IL1RAPL1: variants seen among roughly 807,000 people sequenced by gnomAD.
IL1RAPL1 encodes interleukin 1 receptor accessory protein like 1, also known as interleukin-1 receptor accessory protein-like 1.
In IL1RAPL1, 3 loss-of-function variants were observed where a neutral mutation model predicts 48.4. The observed-to-expected ratio is 0.06, with a 90% CI of 0.03 to 0.16. The LOEUF is 0.16. Ranked by LOEUF, IL1RAPL1 falls within the 10% of genes least tolerant of loss-of-function variation. The pLI, the probability that IL1RAPL1 is intolerant of heterozygous loss-of-function variation, is 1.00. For missense variants in IL1RAPL1, 349 were observed against 530.6 expected (o/e 0.66, Z 3.36); for synonymous variants, 185 against 187.7 (o/e 0.99, Z 0.12).
chrX:29,925,412 G>GTTTTT (rs763481708), intron 8 of IL1RAPL1, among the ~76,000 whole-genome samples: 1,294 of 11,463 alleles, frequency 0.11, 548 homozygotes, highest in Middle Eastern at 0.33. Flanking sequence ...TCCCGTAACT[G>GTTTTT]TTTTTTTTTT....
chrX:29,443,857 T>C (rs1017692288), intron 5 of IL1RAPL1, among the ~76,000 whole-genome samples: 1 of 111,453 alleles, frequency 9.0e-6, no homozygotes, highest in African/African-American at 3.3e-5. Context: ...CTCATTCTTA[T>C]GTTGATGAAA....
chrX:29,265,601 C>T (rs1445946678), intron 2 of IL1RAPL1, among the ~76,000 whole-genome samples: 2 of 96,460 alleles, frequency 2.1e-5, no homozygotes, highest in Non-Finnish European at 4.2e-5. Flanking sequence ...AGGTATATCT[C>T]CTAATGCTAT....
At chrX:28,895,534 G>A (rs188437509) in intron 2 of IL1RAPL1, among the ~76,000 whole-genome samples, 2 of 110,242 alleles carry the variant, frequency 1.8e-5, no homozygotes, top group Non-Finnish European at 3.8e-5. Context: ...AATGAGGCGT[G>A]GCTGTAGTCC....
chrX:29,096,689 G>C lies in IL1RAPL1; in HGVS notation c.83-186249G>C, dbSNP rs971756932. On this transcript the variant is annotated intron_variant, in intron 2 of 10. Transcript: ENST00000378993. ...TGATTTGAACTGGAAAAACATGTAA[G>C]AAATTTAAAAAAATTAAATATATAT... Among the ~76,000 whole-genome samples, 3 of 110,252 alleles carry C rather than the reference G, an allele frequency of 2.7e-5. No individual in the cohort carries two copies. In the East Asian group the frequency reaches 8.4e-4, roughly 31 times the overall value.
intron 6 of IL1RAPL1, among the ~76,000 whole-genome samples, chrX:29,696,414 A>G (rs771861005): frequency 8.0e-5 from 9 of 112,207 alleles, no homozygotes; most frequent in African/African-American, 2.6e-4. Flanking sequence ...ATCATATTTC[A>G]CATATAACAA....
intron 2 of IL1RAPL1, among the ~76,000 whole-genome samples, chrX:28,890,925 C>T (rs1222020279): frequency 8.9e-6 from 1 of 112,103 alleles, no homozygotes; most frequent in East Asian, 2.8e-4. Context: ...AATACTCCTT[C>T]GTGAAATACA....
Position 29,956,428 on chromosome X carries a change from C to T in IL1RAPL1, c.*608C>T, listed in dbSNP as rs1287434782. The stretch of plus-strand genomic sequence containing the variant: ...CTCTTCCTTGTCCCACCTCATTCCC[C>T]ACCTCTACCTTTCTAATGGCGGCAT... On this transcript the variant is annotated 3_prime_UTR_variant, in exon 11 of 11. Transcript: ENST00000378993. 1 of 109,735 alleles carries T rather than the reference C, an allele frequency of 9.1e-6. No individual in the cohort carries two copies. The highest frequency in any genetic ancestry group is 3.4e-5 in the African/African-American group (1 of 29,298). The allele number at this position is 109,735 out of a possible 1,213,427, so 9.0% of individuals were successfully genotyped here.
At chrX:29,523,444 C>T (rs1935522492) in intron 5 of IL1RAPL1, among the ~76,000 whole-genome samples, 1 of 111,228 alleles carries the variant, frequency 9.0e-6, no homozygotes, top group Non-Finnish European at 1.9e-5. Context: ...TGATTATTTT[C>T]AAAATTTGTT....
chrX:29,515,169 C>G (rs1019679208), intron 5 of IL1RAPL1, among the ~76,000 whole-genome samples: 2 of 112,475 alleles, frequency 1.8e-5, no homozygotes, highest in South Asian at 3.6e-4. Flanking sequence ...TTTAGTTAAA[C>G]TTTCTACTTT....
At chrX:28,864,819 G>C (rs1178558473) in intron 2 of IL1RAPL1, among the ~76,000 whole-genome samples, 1 of 111,594 alleles carries the variant, frequency 9.0e-6, no homozygotes, top group Non-Finnish European at 1.9e-5. Flanking sequence ...TGAGATGGCT[G>C]TGGGTAGGGC....
intron 8 of IL1RAPL1, among the ~76,000 whole-genome samples, chrX:29,925,446 G>A (rs866524843): frequency 3.9e-4 from 1 of 2,558 alleles, no homozygotes; most frequent in African/African-American, 8.4e-4. Context: ...TTTTTTTTTT[G>A]CTGGGGGGGG....
rs138882990 is a variant in IL1RAPL1, at chrX:28,964,466, A to G, written c.82+175041A>G. On this transcript the variant is annotated intron_variant, in intron 2 of 10. Coordinates refer to ENST00000378993, the MANE Select transcript of IL1RAPL1 (RefSeq NM_014271.4). ...TTTGTTATGGGTGGTTGGCTCATATACAAATTTTGTTATTAAGATGCATGA... is the reference window on the plus strand; with the variant it reads ...TTTGTTATGGGTGGTTGGCTCATATGCAAATTTTGTTATTAAGATGCATGA... 1.7e-3 allele frequency among the ~76,000 whole-genome samples: 190 copies of G among 111,786 alleles called. 2 individuals carry two copies. Among genetic ancestry groups the G allele is most frequent in the African/African-American group, 5.6e-3 (174 of 30,910 alleles).
At chrX:29,556,219 A>C (rs1250816767) in intron 5 of IL1RAPL1, among the ~76,000 whole-genome samples, 3 of 112,097 alleles carry the variant, frequency 2.7e-5, no homozygotes, top group Non-Finnish European at 3.8e-5. Flanking sequence ...TTAACAGTCG[A>C]AATTTGATTA....
intron 3 of IL1RAPL1, among the ~76,000 whole-genome samples, chrX:29,333,968 C>G (rs868735630): frequency 4.2e-5 from 3 of 71,738 alleles, no homozygotes; most frequent in Non-Finnish European, 8.6e-5. Context: ...GCTGGCCGGG[C>G]GGGGGGCTGA....
intron 5 of IL1RAPL1, among the ~76,000 whole-genome samples, chrX:29,608,362 G>C (rs921665435): frequency 9.5e-6 from 1 of 105,434 alleles, no homozygotes; most frequent in Non-Finnish European, 1.9e-5. Flanking sequence ...AGATAAAGTA[G>C]GTATTACCAT....
rs188355273 is a variant in IL1RAPL1, at chrX:29,868,740, T to C, written c.779-48724T>C. ...AGCAGCAAATGCTTAATGACTTAAATATCCTGGAAATATTTTTATATCTTA... is the reference window on the plus strand; with the variant it reads ...AGCAGCAAATGCTTAATGACTTAAACATCCTGGAAATATTTTTATATCTTA... On this transcript the variant is annotated intron_variant, in intron 6 of 10. Transcript: ENST00000378993. Among the ~76,000 whole-genome samples, 18 of 112,571 alleles carry C rather than the reference T, an allele frequency of 1.6e-4. No individual in the cohort carries two copies. The East Asian group carries it at 4.7e-3, about 30-fold the overall frequency.
chrX:29,383,750 A>T (rs752322345), intron 3 of IL1RAPL1, among the ~76,000 whole-genome samples: 15 of 112,003 alleles, frequency 1.3e-4, no homozygotes, highest in Non-Finnish European at 2.1e-4. Flanking sequence ...TTAAAATTGT[A>T]TATAAAGGAA....
At chrX:28,892,008 A>C (rs1371332426) in intron 2 of IL1RAPL1, among the ~76,000 whole-genome samples, 1 of 111,814 alleles carries the variant, frequency 8.9e-6, no homozygotes, top group Non-Finnish European at 1.9e-5. Context: ...TTGGATATTC[A>C]TATATCTTCT....
intron 2 of IL1RAPL1, among the ~76,000 whole-genome samples, chrX:29,167,953 G>A (rs749755708): frequency 4.2e-4 from 47 of 110,794 alleles, no homozygotes; most frequent in Non-Finnish European, 7.2e-4. Flanking sequence ...ACTAAAAAGC[G>A]ATTATCACCA....
Sources: gnomAD v4.1 joint callset for allele counts (sites outside exome capture counted in the v4.1 genomes callset) on GRCh38, gnomAD v4.1.1 for gene constraint, MANE v1.5 for transcripts, NCBI Gene and HGNC (gene_info 2026-07-23, HGNC 2026-07-21) for gene names.